The following SIPA1L3 variants were observed in gnomAD, a reference collection of about 807,000 sequenced individuals.
SIPA1L3 encodes the protein signal induced proliferation associated 1 like 3.
Under a neutral mutation model 150.1 loss-of-function variants are expected in SIPA1L3, and 59 were observed. The ratio of observed to expected loss-of-function variants is 0.39; its 90% CI spans 0.32 to 0.49. SIPA1L3 has a LOEUF of 0.49. Among genes scored for constraint, SIPA1L3 ranks in the 20% least tolerant of loss-of-function variants. The pLI is 0.86. For synonymous variants in SIPA1L3, 1,070 were observed against 1,077.6 expected (o/e 0.99, Z 0.14); for missense variants, 2,211 against 2,489.5 (o/e 0.89, Z 2.38).
At chr19:38,078,918 G>T (rs547926018) in intron 2 of SIPA1L3, among the ~76,000 whole-genome samples, 1 of 152,148 alleles carries the variant, frequency 6.6e-6, no homozygotes, top group Non-Finnish European at 1.5e-5. Context: ...AAGTGACCCC[G>T]CAGGGTGTTT....
intron 1 of SIPA1L3, among the ~76,000 whole-genome samples, chr19:37,995,678 T>G (rs1967623968): frequency 6.6e-6 from 1 of 152,080 alleles, no homozygotes; most frequent in Non-Finnish European, 1.5e-5. Context: ...GGGCACAGAA[T>G]GAACAAAAGC....
At chr19:38,143,164 C>G (rs574090162) in intron 12 of SIPA1L3, among the ~76,000 whole-genome samples, 1 of 152,088 alleles carries the variant, frequency 6.6e-6, no homozygotes, top group Admixed American at 6.6e-5. Flanking sequence ...GAGATCTCCC[C>G]AAACCCTCCA....
chr19:38,078,300 GCTCA>G (rs1262279463), intron 2 of SIPA1L3, among the ~76,000 whole-genome samples: 1 of 152,162 alleles, frequency 6.6e-6, no homozygotes, highest in Non-Finnish European at 1.5e-5. Context: ...CTCTTCTGGT[GCTCA>G]CTTTTTCAGA....
intron 1 of SIPA1L3, among the ~76,000 whole-genome samples, chr19:37,944,277 CAA>C (rs911462304): frequency 2.0e-4 from 20 of 100,588 alleles, no homozygotes; most frequent in South Asian, 3.2e-4. Flanking sequence ...GACTCCGTCT[CAA>C]AAAAAAAAAA....
At chr19:38,016,750 C>T (rs898424475) in intron 1 of SIPA1L3, among the ~76,000 whole-genome samples, 2 of 151,900 alleles carry the variant, frequency 1.3e-5, no homozygotes, top group Non-Finnish European at 2.9e-5. Flanking sequence ...GCCTTGTCCT[C>T]CCAAAGTGCT....
intron 8 of SIPA1L3, among the ~76,000 whole-genome samples, chr19:38,116,778 C>G (rs544024445): frequency 1.3e-5 from 2 of 152,132 alleles, no homozygotes; most frequent in African/African-American, 4.8e-5. Context: ...TGACTGAACC[C>G]GGGAGGTGGA....
intron 1 of SIPA1L3, among the ~76,000 whole-genome samples, chr19:37,923,929 TTTG>T (rs1363122481): frequency 3.9e-5 from 6 of 151,980 alleles, no homozygotes; most frequent in East Asian, 1.9e-4. Context: ...ATCTAGTTTG[TTTG>T]TTGTTGTTGT....
At chr19:38,087,442 A>G (rs1435427559) in intron 3 of SIPA1L3, among the ~76,000 whole-genome samples, 2 of 152,204 alleles carry the variant, frequency 1.3e-5, no homozygotes, top group African/African-American at 4.8e-5. Flanking sequence ...TGCCAAGAGC[A>G]TCTCATGAGA....
chr19:37,938,624 CTTTTTTT>C (rs759856556), intron 1 of SIPA1L3, among the ~76,000 whole-genome samples: 63 of 131,282 alleles, frequency 4.8e-4, no homozygotes, highest in African/African-American at 5.3e-4. Context: ...TTTCTTTTTT[CTTTTTTT>C]TTTTTTTTTT....
At chr19:38,193,851 G>T (rs1368008394) in intron 18 of SIPA1L3, 71 bp downstream of exon 18, 1 of 1,439,980 alleles carries the variant, frequency 6.9e-7, no homozygotes, top group Admixed American at 2.6e-5. Flanking sequence ...CCCGAGCAGG[G>T]GCTCACCTGG....
At chr19:38,100,992 T>C in intron 5 of SIPA1L3, 60 bp from the exon 6 acceptor site, 1 of 1,488,690 alleles carries the variant, frequency 6.7e-7, no homozygotes, top group Non-Finnish European at 8.9e-7. Context: ...TACCCCTTGC[T>C]CCCTTCCCTC....
At chr19:37,966,711 C>A (rs1285544698) in intron 1 of SIPA1L3, among the ~76,000 whole-genome samples, 1 of 152,208 alleles carries the variant, frequency 6.6e-6, no homozygotes, top group Non-Finnish European at 1.5e-5. Flanking sequence ...CACTCCAGGG[C>A]TGCCTCCAAA....
At chr19:38,029,899 G>A (rs1599927262) in intron 2 of SIPA1L3, among the ~76,000 whole-genome samples, 2 of 147,372 alleles carry the variant, frequency 1.4e-5, no homozygotes, top group African/African-American at 5.0e-5. Context: ...CTGTCACCCA[G>A]GCTGGAGTGC....
intron 1 of SIPA1L3, among the ~76,000 whole-genome samples, chr19:37,954,670 T>C (rs1371461600): frequency 1.3e-5 from 2 of 152,186 alleles, no homozygotes; most frequent in African/African-American, 4.8e-5. Context: ...CTCTCGGCTT[T>C]AAGAACCAGG....
At chr19:37,938,624 C>CTTT (rs759856556) in intron 1 of SIPA1L3, among the ~76,000 whole-genome samples, 1 of 131,264 alleles carries the variant, frequency 7.6e-6, no homozygotes, top group Non-Finnish European at 1.6e-5. Flanking sequence ...TTTCTTTTTT[C>CTTT]TTTTTTTTTT....
chr19:38,071,213 C>T (rs548661197), intron 2 of SIPA1L3, among the ~76,000 whole-genome samples: 2 of 117,066 alleles, frequency 1.7e-5, no homozygotes, highest in East Asian at 5.2e-4. Flanking sequence ...ATCTATCTAT[C>T]TATCTATCTA....
chr19:38,089,854 C>T (rs756708406), intron 4 of SIPA1L3, among the ~76,000 whole-genome samples: 2 of 152,168 alleles, frequency 1.3e-5, no homozygotes, highest in Non-Finnish European at 1.5e-5. Flanking sequence ...GGCAAACTTC[C>T]GGCATAGCTG....
In SIPA1L3 at chr19:38,088,727, C is replaced by A; in HGVS notation, c.1541C>A (p.Ala514Asp). ...GCCTGCTCTTCCTTCTTAGAACATGCCAATTACTTCGGCGTGGATGAGAAG... is the reference window on the plus strand; with the variant it reads ...GCCTGCTCTTCCTTCTTAGAACATGACAATTACTTCGGCGTGGATGAGAAG... Reference protein sequence around the residue: ...YQDYFVGKEHANYFGVDEKLG... With the variant: ...YQDYFVGKEHDNYFGVDEKLG... Residue 514 changes from alanine (A) to aspartate (D), a missense_variant, in exon 4 of 22, where the codon GCC (alanine) becomes GAC (aspartate). Physicochemically the swap from Ala to Asp is moderately radical, Grantham distance 126. This residue lies in a region of SIPA1L3 where 625 missense variants were observed against 804.2 expected (regional missense o/e 0.78). Transcript: ENST00000222345. 6.2e-7 allele frequency: 1 copy of A among 1,613,612 alleles called. No individual in the cohort carries two copies. The highest frequency in any genetic ancestry group is 8.5e-7 in the Non-Finnish European group (1 of 1,179,732).
chr19:37,949,538 G>A (rs1388093992), intron 1 of SIPA1L3, among the ~76,000 whole-genome samples: 3 of 152,048 alleles, frequency 2.0e-5, no homozygotes, highest in Non-Finnish European at 2.9e-5. Flanking sequence ...GGTGGCGCAC[G>A]CCTGTAATCC....
Sources: gnomAD v4.1 joint callset for allele counts (sites outside exome capture counted in the v4.1 genomes callset) on GRCh38, gnomAD v4.1.1 for gene constraint, gnomAD v4.1.1 regional missense constraint, MANE v1.5 for transcripts, NCBI Gene and HGNC (gene_info 2026-07-23, HGNC 2026-07-21) for gene names.